The following LIFR variants were observed in gnomAD, a reference collection of about 807,000 sequenced individuals.
LIFR encodes the protein leukemia inhibitory factor receptor.
A neutral mutation model predicts 122.2 loss-of-function variants in LIFR; 84 were observed. That is an observed-to-expected ratio of 0.69 (90% CI 0.58 to 0.82). The LOEUF is 0.82. Ranked by LOEUF, LIFR falls within the 40% of genes least tolerant of loss-of-function variation. The pLI, the probability that LIFR is intolerant of heterozygous loss-of-function variation, is 0.00. For missense variants in LIFR, 1,294 were observed against 1,311.6 expected (o/e 0.99, Z 0.21); for synonymous variants, 422 against 434.7 (o/e 0.97, Z 0.36).
chr5:38,563,000 C>A (rs1017080655), intron 1 of LIFR, among the ~76,000 whole-genome samples: 3 of 152,160 alleles, frequency 2.0e-5, no homozygotes. Context: ...CTGCCTGGGT[C>A]TCATATTGGG....
In LIFR at chr5:38,530,673, T is replaced by G. The variant is rs1232972935; in HGVS notation, c.-19-7A>C. 1.2e-6 allele frequency: 2 copies of G among 1,612,554 alleles called. No homozygotes were observed. The highest frequency in any genetic ancestry group is 1.7e-5 in the Admixed American group (1 of 59,990). ...CTGTGCAATGCAGTCAGTCCTAGGT[T>G]AGGAGAGGAATTCCAGATGGTGTTC... On this transcript the variant is annotated splice_region_variant and splice_polypyrimidine_tract_variant and intron_variant, in intron 1 of 19. Coordinates refer to ENST00000453190, the MANE Select transcript of LIFR (RefSeq NM_001127671.2).
intron 1 of LIFR, among the ~76,000 whole-genome samples, chr5:38,569,232 T>C (rs1191184122): frequency 2.0e-5 from 3 of 152,216 alleles, no homozygotes; most frequent in East Asian, 1.9e-4. Flanking sequence ...CGAGTTATAC[T>C]CCAAAGTAAA....
intron 1 of LIFR, among the ~76,000 whole-genome samples, chr5:38,549,880 C>A (rs928823722): frequency 1.3e-5 from 2 of 152,090 alleles, no homozygotes; most frequent in African/African-American, 4.8e-5. Context: ...TCACTAGAAT[C>A]TGGAAGTGAG....
chr5:38,592,917 A>C (rs1749975309), intron 1 of LIFR, among the ~76,000 whole-genome samples: 1 of 152,066 alleles, frequency 6.6e-6, no homozygotes, highest in Admixed American at 6.6e-5. Flanking sequence ...ATCAAGGAGA[A>C]GGAGCAGCTG....
chr5:38,501,536 A>C (rs935381819), intron 11 of LIFR, among the ~76,000 whole-genome samples: 4 of 152,080 alleles, frequency 2.6e-5, no homozygotes, highest in African/African-American at 9.7e-5. Context: ...GGCACATCAC[A>C]AGGTCAGGAG....
At chr5:38,482,284 A>G in intron 19 of LIFR, 66 bp from the exon 20 acceptor site, 1 of 1,478,564 alleles carries the variant, frequency 6.8e-7, no homozygotes, top group Non-Finnish European at 9.1e-7. Flanking sequence ...CTCCTCCTAT[A>G]AAAAGGGACA....
chr5:38,560,701 A>G (rs1176796975), upstream of LIFR, among the ~76,000 whole-genome samples: 1 of 151,770 alleles, frequency 6.6e-6, no homozygotes, highest in Non-Finnish European at 1.5e-5. Flanking sequence ...GGTGCAAGCA[A>G]TTATCTGCCT....
intron 13 of LIFR, among the ~76,000 whole-genome samples, chr5:38,495,114 C>G (rs1020139534): frequency 6.6e-6 from 1 of 152,140 alleles, no homozygotes; most frequent in African/African-American, 2.4e-5. Context: ...TCCCTCCACT[C>G]GGGAAATCCT....
Position 38,502,658 on chromosome 5 carries a change from G to GT in LIFR, c.1578dup (p.Gln527ThrfsTer14), listed in dbSNP as rs1554020702. 3 of 1,613,064 alleles carry GT rather than the reference G, an allele frequency of 1.9e-6. No homozygotes were observed. Among genetic ancestry groups the GT allele is most frequent in the Middle Eastern group, 1.7e-4 (1 of 5,970 alleles). On this transcript the variant is annotated frameshift_variant, in exon 11 of 20. Transcript: ENST00000453190. LOFTEE classifies it high-confidence loss of function. ...TTACTGGCTTCTGTTGTTAAATGTTGTTTTTTATTGCTCCATTTGCTCCAT... is the reference window on the plus strand; with the variant it reads ...TTACTGGCTTCTGTTGTTAAATGTTGTTTTTTTATTGCTCCATTTGCTCCAT...
chr5:38,488,537 T>C lies in LIFR; in HGVS notation c.2335+541A>G, dbSNP rs561166477. 7.2e-5 allele frequency among the ~76,000 whole-genome samples: 11 copies of C among 152,350 alleles called. No homozygotes were observed. The East Asian group carries it at 1.7e-3, about 24-fold the overall frequency. On this transcript the variant is annotated intron_variant, in intron 16 of 19. Transcript: ENST00000453190. ...AATTTTGTATTTGTAAATCTGAGAA[T>C]TCTCTAAAGTCTTTGGATGTACACT...
chr5:38,484,755 A>G lies in LIFR; in HGVS notation c.2591+20T>C, dbSNP rs760583456. The G allele has an allele frequency of 6.6e-7, 1 of 1,503,844 alleles. No individual in the cohort carries two copies. 93.2% of individuals were successfully genotyped at this position (1,503,844 alleles called of 1,614,324 possible). A position where few individuals can be genotyped will look rare whatever the true frequency, so the allele number is the denominator to read the frequency against. ...ATGCCTTTAAGAAGAAAACAGCAAG[A>G]GTAAATGCAGAACTATTACCATTCT... On this transcript the variant is annotated intron_variant, in intron 18 of 19. Transcript: ENST00000453190.
chr5:38,509,750 T>C (rs1352603713), intron 7 of LIFR, among the ~76,000 whole-genome samples: 1 of 152,154 alleles, frequency 6.6e-6, no homozygotes, highest in Non-Finnish European at 1.5e-5. Flanking sequence ...TTACAGTTGC[T>C]ACAAGGAAGG....
rs749979726 is a variant in LIFR, at chr5:38,483,415, G to GT, written c.2592-749dup. Reference sequence around the variant, plus strand: ...CTTTTTTTGGTACTTTAATAGTTGGGTTTTTTTTGTTTTTTTGGTTTTTTT... The same window carrying GT: ...CTTTTTTTGGTACTTTAATAGTTGGGTTTTTTTTTGTTTTTTTGGTTTTTTT... On this transcript the variant is annotated intron_variant, in intron 18 of 19. Transcript: ENST00000453190. 1.7e-4 allele frequency among the ~76,000 whole-genome samples: 25 copies of GT among 151,334 alleles called. 1 individual carries two copies. In the Middle Eastern group the frequency reaches 0.024, roughly 144 times the overall value.
intron 1 of LIFR, among the ~76,000 whole-genome samples, chr5:38,594,379 G>A (rs1385337912): frequency 6.6e-6 from 1 of 152,104 alleles, no homozygotes; most frequent in African/African-American, 2.4e-5. Context: ...GTCATCACAC[G>A]TTTGTCAAAA....
intron 1 of LIFR, among the ~76,000 whole-genome samples, chr5:38,592,084 C>A (rs188614375): frequency 1.3e-5 from 2 of 152,208 alleles, no homozygotes; most frequent in Non-Finnish European, 2.9e-5. Flanking sequence ...CTCTTAATTT[C>A]TTTTGGTGTT....
chr5:38,533,614 A>G (rs539719858), intron 1 of LIFR, among the ~76,000 whole-genome samples: 57 of 152,370 alleles, frequency 3.7e-4, no homozygotes, highest in African/African-American at 1.3e-3. Flanking sequence ...AAGTAAAGCT[A>G]AATACCAGAA....
chr5:38,560,307 G>A (rs991051356), upstream of LIFR, among the ~76,000 whole-genome samples: 1 of 152,134 alleles, frequency 6.6e-6, no homozygotes, highest in East Asian at 1.9e-4. Flanking sequence ...CACAGTGTTG[G>A]ACAAGATTCA....
At chr5:38,489,309 T>C in intron 15 of LIFR, 64 bp from the exon 16 acceptor site, 1 of 1,209,290 alleles carries the variant, frequency 8.3e-7, no homozygotes, top group Non-Finnish European at 1.2e-6. Flanking sequence ...ACAGTAATGT[T>C]TCCTGAGCTT....
At chr5:38,506,454 C>A (rs1490650571) in intron 8 of LIFR, 49 bp downstream of exon 8, 1 of 1,609,414 alleles carries the variant, frequency 6.2e-7, no homozygotes, top group Non-Finnish European at 8.5e-7. Context: ...TTAACATGCA[C>A]TTCCAACGTA....
Sources: allele counts gnomAD v4.1 joint callset (sites outside exome capture counted in the v4.1 genomes callset), GRCh38; gene constraint gnomAD v4.1.1; transcripts MANE v1.5; gene names NCBI Gene and HGNC (gene_info 2026-07-23, HGNC 2026-07-21).